CDH13: variants seen among roughly 807,000 people sequenced by gnomAD.
CDH13 encodes cadherin-13.
CDH13 carries 24 observed loss-of-function variants against 63.8 expected under a neutral mutation model. The observed-to-expected ratio is 0.38, with a 90% CI of 0.27 to 0.53. The LOEUF is 0.53. Among genes scored for constraint, CDH13 ranks in the 20% least tolerant of loss-of-function variants. CDH13 has a pLI of 0.85. For synonymous variants in CDH13, 503 were observed against 355.3 expected (o/e 1.42, Z -4.67); for missense variants, 1,049 against 903.1 (o/e 1.16, Z -2.07).
chr16:83,598,356 C>A (rs1051012758), intron 7 of CDH13, among the ~76,000 whole-genome samples: 7 of 152,086 alleles, frequency 4.6e-5, no homozygotes, highest in Admixed American at 2.6e-4. Context: ...CAGAGTGAGA[C>A]CCTGTCTCAA....
At position 83,779,989 on chromosome 16, in the gene CDH13, C is replaced by T; in HGVS notation, c.1703C>T (p.Thr568Ile). The T allele has an allele frequency of 6.2e-7, 1 of 1,611,632 alleles. No individual in the cohort carries two copies. Among genetic ancestry groups the T allele is most frequent in the African/African-American group, 1.3e-5 (1 of 75,028 alleles). ...IDSGNPPATGTGTLLITLEDV... is the reference protein window; with the variant it reads ...IDSGNPPATGIGTLLITLEDV... Reference sequence around the variant, plus strand: ...ACAGGCAACCCTCCCGCTACGGGCACTGGGACTTTGCTGATAACCCTGGAG... The same window carrying T: ...ACAGGCAACCCTCCCGCTACGGGCATTGGGACTTTGCTGATAACCCTGGAG... Residue 568 changes from threonine to isoleucine, a missense_variant, in exon 12 of 14, where the codon ACT becomes ATT. Coordinates refer to ENST00000567109, the MANE Select transcript of CDH13 (RefSeq NM_001257.5).
At position 83,417,578 on chromosome 16, in the gene CDH13, C is replaced by T. The variant is rs116154882; in HGVS notation, c.782-68899C>T. Among the ~76,000 whole-genome samples the T allele has an allele frequency of 1.9e-3, 285 of 152,310 alleles. 1 individual carries two copies. The highest frequency in any genetic ancestry group is 6.4e-3 in the African/African-American group (264 of 41,566). On this transcript the variant is annotated intron_variant, in intron 6 of 13. Transcript: ENST00000567109. ...GAAAATAGAATTTTCAGCTTGATAA[C>T]ATTAAGGCAGAGATGTTGCAGCAAA...
intron 1 of CDH13, among the ~76,000 whole-genome samples, chr16:82,693,620 A>G (rs866289632): frequency 4.6e-5 from 7 of 152,252 alleles, no homozygotes; most frequent in African/African-American, 1.7e-4. Flanking sequence ...GCCAAGATGC[A>G]GGACCACATC....
chr16:83,790,383 C>T (rs899652238), intron 13 of CDH13, among the ~76,000 whole-genome samples: 2 of 151,964 alleles, frequency 1.3e-5, no homozygotes, highest in African/African-American at 4.8e-5. Flanking sequence ...ATGATTTTTA[C>T]TGTCAGTTTT....
intron 3 of CDH13, among the ~76,000 whole-genome samples, chr16:83,059,976 A>G (rs2031377790): frequency 6.6e-6 from 1 of 151,428 alleles, no homozygotes. Context: ...TTGTATTTAG[A>G]GTAGAGACGG....
chr16:82,994,315 C>G (rs960346391), intron 2 of CDH13, among the ~76,000 whole-genome samples: 15 of 152,114 alleles, frequency 9.9e-5, no homozygotes, highest in Non-Finnish European at 1.6e-4. Context: ...TTAGTACAAC[C>G]CTGGCCCTTG....
intron 7 of CDH13, among the ~76,000 whole-genome samples, chr16:83,504,342 C>G (rs2074349696): frequency 6.6e-6 from 1 of 152,192 alleles, no homozygotes; most frequent in Admixed American, 6.5e-5. Context: ...TACTTCTCTT[C>G]TGAAGATCTG....
At chr16:83,628,283 T>A (rs1278281404) in intron 8 of CDH13, among the ~76,000 whole-genome samples, 4 of 151,942 alleles carry the variant, frequency 2.6e-5, no homozygotes, top group African/African-American at 9.7e-5. Flanking sequence ...ATTTTGCATA[T>A]TTTTTGGAGA....
intron 1 of CDH13, among the ~76,000 whole-genome samples, chr16:82,722,816 A>T (rs1364049961): frequency 6.6e-6 from 1 of 152,148 alleles, no homozygotes; most frequent in Non-Finnish European, 1.5e-5. Flanking sequence ...CATACATATA[A>T]GCCTTTTTCA....
intron 5 of CDH13, among the ~76,000 whole-genome samples, chr16:83,275,750 G>A (rs761255685): frequency 6.6e-6 from 1 of 152,000 alleles, no homozygotes; most frequent in African/African-American, 2.4e-5. Flanking sequence ...AGTGTCTGTC[G>A]CCCACTTTAT....
chr16:83,161,009 T>A (rs1029493516), intron 4 of CDH13, among the ~76,000 whole-genome samples: 4 of 152,196 alleles, frequency 2.6e-5, no homozygotes, highest in African/African-American at 9.6e-5. Context: ...TCGCTGCCAT[T>A]GCTATGAAAA....
intron 2 of CDH13, among the ~76,000 whole-genome samples, chr16:83,025,983 C>A (rs921681884): frequency 3.9e-5 from 6 of 152,162 alleles, no homozygotes; most frequent in African/African-American, 1.4e-4. Context: ...TTTTAATGCT[C>A]CTTCAGCATT....
At chr16:82,842,241 AGTT>A (rs2039067183) in intron 1 of CDH13, among the ~76,000 whole-genome samples, 1 of 150,178 alleles carries the variant, frequency 6.7e-6, no homozygotes, top group African/African-American at 2.5e-5. Context: ...CCTTTTAAAA[AGTT>A]GTTATCAAAG....
chr16:83,075,846 A>G (rs1443209398), intron 3 of CDH13, among the ~76,000 whole-genome samples: 1 of 152,186 alleles, frequency 6.6e-6, no homozygotes, highest in African/African-American at 2.4e-5. Context: ...TAGAAGTCAA[A>G]TCAGTTAAAG....
At chr16:83,142,522 C>A (rs1024395525) in intron 4 of CDH13, among the ~76,000 whole-genome samples, 1 of 152,140 alleles carries the variant, frequency 6.6e-6, no homozygotes, top group African/African-American at 2.4e-5. Flanking sequence ...AACGTTACCT[C>A]CTCGGGGAAG....
chr16:83,407,122 C>T, intron 6 of CDH13, among the ~76,000 whole-genome samples: 1 of 152,192 alleles, frequency 6.6e-6, no homozygotes, highest in East Asian at 1.9e-4. Context: ...TGCCAGGCAG[C>T]CCTCTGGGAG....
intron 1 of CDH13, chr16:82,773,223 G>A (rs2035342628): frequency 6.6e-6 from 1 of 152,250 alleles, no homozygotes; most frequent in Admixed American, 6.5e-5. Flanking sequence ...GAATTTTTTT[G>A]TGGTAAGAGA....
intron 5 of CDH13, among the ~76,000 whole-genome samples, chr16:83,329,856 T>C (rs2090444826): frequency 6.6e-6 from 1 of 152,242 alleles, no homozygotes; most frequent in Non-Finnish European, 1.5e-5. Context: ...TATCCAAATT[T>C]CCTCTGTTTT....
chr16:83,243,115 G>C (rs1339747825), intron 5 of CDH13, among the ~76,000 whole-genome samples: 1 of 152,170 alleles, frequency 6.6e-6, no homozygotes, highest in Non-Finnish European at 1.5e-5. Flanking sequence ...CCAGTGTCCA[G>C]GCTATTAACC....
Sources: gnomAD v4.1 joint callset for allele counts (sites outside exome capture counted in the v4.1 genomes callset) on GRCh38, gnomAD v4.1.1 for gene constraint, MANE v1.5 for transcripts, NCBI Gene and HGNC (gene_info 2026-07-23, HGNC 2026-07-21) for gene names.